Variants in LRP1B observed in about 807,000 individuals in gnomAD.
The protein encoded by LRP1B is low-density lipoprotein receptor-related protein 1B.
In LRP1B, 217 loss-of-function variants were observed where a neutral mutation model predicts 556.6. The ratio of observed to expected loss-of-function variants is 0.39; its 90% CI spans 0.35 to 0.44. The LOEUF (loss-of-function observed/expected upper bound fraction) is 0.44. Among genes scored for constraint, LRP1B ranks in the 20% least tolerant of loss-of-function variants. The pLI, the probability that LRP1B is intolerant of heterozygous loss-of-function variation, is 1.00. For synonymous variants in LRP1B, 2,047 were observed against 1,865.8 expected, an observed-to-expected ratio of 1.10 and a Z score of -2.50; for missense variants, 5,053 against 5,620.8, an observed-to-expected ratio of 0.90 and a Z score of 3.23.
chr2:140,432,670 C>T (rs1167129007), intron 66 of LRP1B, among the ~76,000 whole-genome samples: 2 of 152,200 alleles, frequency 1.3e-5, no homozygotes, highest in African/African-American at 4.8e-5. Context: ...CTAACTTCAT[C>T]TGAAGAACTT....
chr2:142,025,635 C>T (rs1031990746), intron 1 of LRP1B, among the ~76,000 whole-genome samples: 3 of 152,028 alleles, frequency 2.0e-5, no homozygotes, highest in African/African-American at 7.2e-5. Flanking sequence ...TGGGTCACCC[C>T]GGGTGGGTAT....
Position 140,611,776 on chromosome 2 carries a change from T to C in LRP1B, c.6800-10137A>G, listed in dbSNP as rs1289156735. Among the ~76,000 whole-genome samples, 3 of 152,100 alleles carry C rather than the reference T, an allele frequency of 2.0e-5. No individual in the cohort carries two copies. In the East Asian group the frequency reaches 5.8e-4, roughly 29 times the overall value. ...TATAGTCCAAATTACATACACATAATAAATGTTATGTAATAAGTTACCTGT... is the reference window on the plus strand; with the variant it reads ...TATAGTCCAAATTACATACACATAACAAATGTTATGTAATAAGTTACCTGT... On this transcript the variant is annotated intron_variant, in intron 41 of 90. Transcript: ENST00000389484.
chr2:142,096,875 T>C (rs1344892424), intron 1 of LRP1B, among the ~76,000 whole-genome samples: 2 of 151,500 alleles, frequency 1.3e-5, no homozygotes, highest in Non-Finnish European at 3.0e-5. Flanking sequence ...CTCCTCTCCC[T>C]TTCTCCCCTC....
At chr2:141,405,242 A>AATT (rs1186584060) in intron 3 of LRP1B, among the ~76,000 whole-genome samples, 1 of 152,182 alleles carries the variant, frequency 6.6e-6, no homozygotes, top group East Asian at 1.9e-4. Context: ...TACCAAAATG[A>AATT]TTGCTTTCAG....
intron 25 of LRP1B, among the ~76,000 whole-genome samples, chr2:140,875,767 G>A (rs189180741): frequency 3.3e-5 from 5 of 152,182 alleles, no homozygotes; most frequent in African/African-American, 1.2e-4. Flanking sequence ...TTGTGAAATG[G>A]TGTTCAGTTT....
intron 7 of LRP1B, among the ~76,000 whole-genome samples, chr2:141,172,781 T>C (rs1376739048): frequency 1.3e-5 from 2 of 152,068 alleles, no homozygotes. Flanking sequence ...ATAGATTTTC[T>C]CTACTAAGCA....
At chr2:142,009,728 T>TATGC (rs1702898428) in intron 1 of LRP1B, among the ~76,000 whole-genome samples, 1 of 152,202 alleles carries the variant, frequency 6.6e-6, no homozygotes, top group Non-Finnish European at 1.5e-5. Context: ...TATATATGTG[T>TATGC]ATGCATGCAT....
intron 75 of LRP1B, among the ~76,000 whole-genome samples, chr2:140,353,738 C>T (rs1682080395): frequency 6.6e-6 from 1 of 152,056 alleles, no homozygotes; most frequent in South Asian, 2.1e-4. Context: ...AATGTGGTTA[C>T]ATATTCATAT....
intron 3 of LRP1B, among the ~76,000 whole-genome samples, chr2:141,330,099 A>G (rs2105490502): frequency 6.6e-6 from 1 of 152,322 alleles, no homozygotes; most frequent in East Asian, 1.9e-4. Context: ...TGTGGGCATT[A>G]TTATGTTACT....
At chr2:141,614,807 G>A (rs1688236651) in intron 2 of LRP1B, among the ~76,000 whole-genome samples, 1 of 152,184 alleles carries the variant, frequency 6.6e-6, no homozygotes, top group Non-Finnish European at 1.5e-5. Flanking sequence ...CCAGAACTGT[G>A]AGAGAATAAA....
At chr2:141,827,957 C>T (rs1558902917) in intron 1 of LRP1B, among the ~76,000 whole-genome samples, 1 of 151,816 alleles carries the variant, frequency 6.6e-6, no homozygotes, top group South Asian at 2.1e-4. Flanking sequence ...CATGAGGAAT[C>T]CAGAGAATTG....
intron 2 of LRP1B, among the ~76,000 whole-genome samples, chr2:141,619,118 C>T (rs957412666): frequency 5.3e-5 from 8 of 152,106 alleles, no homozygotes; most frequent in Non-Finnish European, 7.4e-5. Flanking sequence ...TTTCTCTATT[C>T]GGTTATTTAA....
chr2:140,719,501 C>A (rs76945047), intron 35 of LRP1B, among the ~76,000 whole-genome samples: 1 of 152,098 alleles, frequency 6.6e-6, no homozygotes, highest in Non-Finnish European at 1.5e-5. Flanking sequence ...AATCATAAAT[C>A]ATTCCTTCCC....
chr2:140,341,212 A>T (rs948870311), intron 77 of LRP1B, among the ~76,000 whole-genome samples: 2 of 151,624 alleles, frequency 1.3e-5, no homozygotes, highest in Non-Finnish European at 3.0e-5. Context: ...GTGTGTGCAC[A>T]CACGTGCTAG....
At chr2:140,759,434 T>A (rs1418555439) in intron 35 of LRP1B, among the ~76,000 whole-genome samples, 1 of 152,202 alleles carries the variant, frequency 6.6e-6, no homozygotes, top group East Asian at 1.9e-4. Flanking sequence ...TCATTGAATT[T>A]TCAGTAAAAT....
intron 21 of LRP1B, among the ~76,000 whole-genome samples, chr2:140,909,591 T>A (rs1181378680): frequency 6.6e-6 from 1 of 151,160 alleles, no homozygotes; most frequent in Non-Finnish European, 1.5e-5. Context: ...TGCATTAACA[T>A]CATAAATAAA....
At chr2:140,890,633 A>G (rs1437851997) in intron 23 of LRP1B, among the ~76,000 whole-genome samples, 1 of 152,032 alleles carries the variant, frequency 6.6e-6, no homozygotes, top group Non-Finnish European at 1.5e-5. Context: ...TAAATTTTCA[A>G]ATGATTTTCT....
chr2:140,873,995 G>A (rs1559168698), intron 25 of LRP1B, among the ~76,000 whole-genome samples: 1 of 151,850 alleles, frequency 6.6e-6, no homozygotes, highest in African/African-American at 2.4e-5. Context: ...AAAGAGTCTT[G>A]TATAGTAGAT....
intron 1 of LRP1B, among the ~76,000 whole-genome samples, chr2:142,047,047 A>T (rs1704283859): frequency 6.6e-6 from 1 of 151,990 alleles, no homozygotes; most frequent in African/African-American, 2.4e-5. Context: ...GGCTCTTTCC[A>T]CTGTCTGCAG....
Sources: allele counts gnomAD v4.1 joint callset (sites outside exome capture counted in the v4.1 genomes callset), GRCh38; gene constraint gnomAD v4.1.1; transcripts MANE v1.5; gene names NCBI Gene and HGNC (gene_info 2026-07-23, HGNC 2026-07-21).